The following TNC variants were observed in gnomAD, a reference collection of about 807,000 sequenced individuals.
TNC encodes the protein tenascin C.
TNC carries 109 observed loss-of-function variants against 202.4 expected under a neutral mutation model. That is an observed-to-expected ratio of 0.54 (90% CI 0.46 to 0.63). The LOEUF is 0.63. Ranked by LOEUF, TNC falls within the 30% of genes least tolerant of loss-of-function variation. The pLI, the probability that TNC is intolerant of heterozygous loss-of-function variation, is 0.00. For missense variants in TNC, 2,756 were observed against 2,833.3 expected (o/e 0.97, Z 0.62); for synonymous variants, 1,007 against 1,089.7 (o/e 0.92, Z 1.50).
chr9:115,087,521 C>CAT (rs1159139036), intron 2 of TNC, among the ~76,000 whole-genome samples: 3 of 122,058 alleles, frequency 2.5e-5, no homozygotes, highest in Non-Finnish European at 3.4e-5. Context: ...TGTGATTATG[C>CAT]ATAGGGGTGT....
At chr9:115,064,594 G>A (rs912777218) in intron 11 of TNC, 53 bp downstream of exon 11, 2 of 1,544,460 alleles carry the variant, frequency 1.3e-6, no homozygotes, top group Admixed American at 1.9e-5. Context: ...ATTATTCATG[G>A]GCAGTTTCCT....
At chr9:115,035,096 C>T (rs1003095087) in intron 22 of TNC, 108 bp downstream of exon 22, 2 of 1,323,988 alleles carry the variant, frequency 1.5e-6, no homozygotes, top group Admixed American at 2.5e-5. Context: ...TTTTTCAGCT[C>T]CCCAGATGCA....
intron 15 of TNC, chr9:115,055,897 G>A (rs1187840841): frequency 2.6e-5 from 4 of 152,116 alleles, no homozygotes; most frequent in East Asian, 3.9e-4. Flanking sequence ...TTGAAAATCG[G>A]TTTGAGCCAT....
At chr9:115,109,422 C>T (rs1275161940) in intron 1 of TNC, among the ~76,000 whole-genome samples, 1 of 152,170 alleles carries the variant, frequency 6.6e-6, no homozygotes, top group Non-Finnish European at 1.5e-5. Flanking sequence ...CAAGCAAATA[C>T]CTCTCAAACC....
intron 1 of TNC, among the ~76,000 whole-genome samples, chr9:115,116,410 T>G (rs959865481): frequency 1.3e-5 from 2 of 152,172 alleles, no homozygotes; most frequent in African/African-American, 4.8e-5. Context: ...CTCCTGCAAA[T>G]GACTTGTATG....
At chr9:115,026,477 T>C in intron 26 of TNC, 57 bp downstream of exon 26, 1 of 1,556,282 alleles carries the variant, frequency 6.4e-7, no homozygotes, top group Non-Finnish European at 8.8e-7. Context: ...AAATAAACTG[T>C]AAATGTCAAG....
At chr9:115,066,375 G>T (rs1302885774) in intron 10 of TNC, among the ~76,000 whole-genome samples, 1 of 152,046 alleles carries the variant, frequency 6.6e-6, no homozygotes, top group African/African-American at 2.4e-5. Context: ...AGAACAAACT[G>T]TTTTTTTCTA....
intron 1 of TNC, among the ~76,000 whole-genome samples, chr9:115,095,739 C>T (rs1231988326): frequency 6.9e-6 from 1 of 144,252 alleles, no homozygotes; most frequent in Non-Finnish European, 1.5e-5. Context: ...ATAATAGTTG[C>T]TCCAATTATA....
In TNC at chr9:115,021,283, AAGAGAGAGAG is replaced by A; in HGVS notation, c.6496-26_6496-17del. 1 of 1,102,208 alleles carries A rather than the reference AAGAGAGAGAG, an allele frequency of 9.1e-7. No individual in the cohort carries two copies. Among genetic ancestry groups the A allele is most frequent in the Non-Finnish European group, 1.3e-6 (1 of 792,618 alleles). 68.3% of individuals were successfully genotyped at this position (1,102,208 alleles called of 1,614,324 possible). On this transcript the variant is annotated splice_polypyrimidine_tract_variant and intron_variant, in intron 27 of 27. Transcript: ENST00000350763. ...AGTTAACGCCCTGTTAAAAAAAAAA[AAGAGAGAGAG>A]AGAGAGAGAGAGAAGGCCTCCAGGT...
intron 1 of TNC, among the ~76,000 whole-genome samples, chr9:115,103,179 G>C (rs1836362629): frequency 6.6e-6 from 1 of 152,280 alleles, no homozygotes; most frequent in Middle Eastern, 3.4e-3. Flanking sequence ...ATCAACCCAA[G>C]GGCTTTTAAG....
chr9:115,101,753 A>G (rs1836254349), intron 1 of TNC, among the ~76,000 whole-genome samples: 1 of 152,212 alleles, frequency 6.6e-6, no homozygotes, highest in Non-Finnish European at 1.5e-5. Flanking sequence ...CTAGAATATC[A>G]TACACAAGCA....
At chr9:115,108,189 CAG>C (rs750982355) in intron 1 of TNC, among the ~76,000 whole-genome samples, 75 of 152,276 alleles carry the variant, frequency 4.9e-4, no homozygotes, top group Non-Finnish European at 9.0e-4. Flanking sequence ...ATTTTTAGTG[CAG>C]ATCTAGATGA....
In TNC at chr9:115,041,076, A is replaced by AC. The variant is rs1830700045; in HGVS notation, c.5256_5257insG (p.Ser1753ValfsTer34). 6.2e-7 allele frequency: 1 copy of AC among 1,613,194 alleles called. No homozygotes were observed. Among genetic ancestry groups the AC allele is most frequent in the African/African-American group, 1.3e-5 (1 of 74,890 alleles). ...TTGGTTCCGTCCACAGTTACCATGG[A>AC]GGGTGTACCTGGAACACAGTAAAAG... On this transcript the variant is annotated frameshift_variant, in exon 19 of 28. Coordinates refer to ENST00000350763, the MANE Select transcript of TNC (RefSeq NM_002160.4). LOFTEE classifies it high-confidence loss of function.
intron 12 of TNC, 85 bp from the exon 13 acceptor site, chr9:115,063,274 T>G: frequency 6.9e-7 from 1 of 1,446,414 alleles, no homozygotes; most frequent in Non-Finnish European, 9.5e-7. Context: ...TGGCTAAGGT[T>G]GGGATGAGTT....
At chr9:115,109,747 T>C (rs1199653571) in intron 1 of TNC, among the ~76,000 whole-genome samples, 1 of 152,256 alleles carries the variant, frequency 6.6e-6, no homozygotes, top group South Asian at 2.1e-4. Context: ...GTCTGTGTCC[T>C]GAGACAGTTT....
At chr9:115,040,845 G>A in intron 19 of TNC, 96 bp downstream of exon 19, 2 of 1,439,074 alleles carry the variant, frequency 1.4e-6, no homozygotes. Flanking sequence ...GCTGAGTCAT[G>A]AGCTACAAGG....
At chr9:115,042,019 T>C (rs928873517) in intron 18 of TNC, among the ~76,000 whole-genome samples, 200 bp downstream of exon 18, 3 of 152,260 alleles carry the variant, frequency 2.0e-5, no homozygotes, top group Non-Finnish European at 2.9e-5. Context: ...CTTGTTCAAG[T>C]GACCCTTCAC....
intron 20 of TNC, among the ~76,000 whole-genome samples, chr9:115,037,526 T>C (rs1830423148): frequency 6.6e-6 from 1 of 152,152 alleles, no homozygotes; most frequent in Non-Finnish European, 1.5e-5. Flanking sequence ...TATTTATTTA[T>C]TTTTTATTTT....
intron 1 of TNC, among the ~76,000 whole-genome samples, chr9:115,093,913 T>G (rs1835421502): frequency 6.6e-6 from 1 of 152,150 alleles, no homozygotes; most frequent in Non-Finnish European, 1.5e-5. Flanking sequence ...TATTGGCTCA[T>G]GGTGGTCTGA....
Sources: allele counts gnomAD v4.1 joint callset (sites outside exome capture counted in the v4.1 genomes callset), GRCh38; gene constraint gnomAD v4.1.1; transcripts MANE v1.5; gene names NCBI Gene and HGNC (gene_info 2026-07-23, HGNC 2026-07-21).